Variants in CACNA2D3 observed in about 807,000 individuals in gnomAD.
The protein encoded by CACNA2D3 is calcium voltage-gated channel auxiliary subunit alpha2delta 3, also known as voltage-dependent calcium channel subunit alpha-2/delta-3.
CACNA2D3 carries 60 observed loss-of-function variants against 160.6 expected under a neutral mutation model. The observed-to-expected ratio is 0.37, with a 90% CI of 0.30 to 0.46. The LOEUF (loss-of-function observed/expected upper bound fraction) is 0.46, where lower values mean the gene tolerates loss of function less well. Ranked by LOEUF, CACNA2D3 falls within the 20% of genes least tolerant of loss-of-function variation. The probability of loss-of-function intolerance (pLI) is 1.00; values close to 1 mark genes in which losing one functional copy is unlikely to be tolerated. For synonymous variants in CACNA2D3, 558 were observed against 492.9 expected (o/e 1.13, Z -1.75); for missense variants, 1,205 against 1,365.0 (o/e 0.88, Z 1.85).
intron 3 of CACNA2D3, among the ~76,000 whole-genome samples, chr3:54,362,039 T>C (rs1408004848): frequency 6.6e-6 from 1 of 152,162 alleles, no homozygotes; most frequent in Non-Finnish European, 1.5e-5. Flanking sequence ...CCGTAACTGA[T>C]TTCTCATCTT....
chr3:54,522,614 C>T (rs983336779), intron 5 of CACNA2D3, among the ~76,000 whole-genome samples: 3 of 152,036 alleles, frequency 2.0e-5, no homozygotes, highest in South Asian at 2.1e-4. Context: ...CTGGGAAGTC[C>T]AAGATCATGT....
chr3:54,167,401 A>G (rs527657788), intron 2 of CACNA2D3, among the ~76,000 whole-genome samples: 5 of 152,098 alleles, frequency 3.3e-5, no homozygotes, highest in African/African-American at 1.2e-4. Flanking sequence ...ACCAAGACAT[A>G]GCATCTTCCA....
rs1053914351 is a variant in CACNA2D3, at chr3:54,871,198, C to G, written c.1627-341C>G. On this transcript the variant is annotated intron_variant, in intron 17 of 37. Coordinates refer to ENST00000474759, the MANE Select transcript of CACNA2D3 (RefSeq NM_018398.3). ...ATAGGTGGAGACACACACACACACA[C>G]ACACACACACACACACACACACACA... 9.5e-4 allele frequency among the ~76,000 whole-genome samples: 101 copies of G among 106,318 alleles called. 1 individual carries two copies. Among genetic ancestry groups the G allele is most frequent in the Admixed American group, 4.6e-3 (41 of 8,896 alleles). The allele number at this position is 106,318 out of a possible 152,430, so 69.7% of individuals were successfully genotyped here. A position where few individuals can be genotyped will look rare whatever the true frequency, so the allele number is the denominator to read the frequency against.
At chr3:54,166,959 A>T (rs1700470311) in intron 2 of CACNA2D3, among the ~76,000 whole-genome samples, 3 of 152,200 alleles carry the variant, frequency 2.0e-5, no homozygotes, top group Admixed American at 1.3e-4. Flanking sequence ...GAGTTATAAT[A>T]TTACCTGGAT....
intron 2 of CACNA2D3, among the ~76,000 whole-genome samples, chr3:54,202,991 C>A (rs994294549): frequency 6.6e-6 from 1 of 152,200 alleles, no homozygotes; most frequent in African/African-American, 2.4e-5. Context: ...ACGACTGTGT[C>A]TGGGGATCAT....
intron 35 of CACNA2D3, among the ~76,000 whole-genome samples, chr3:55,035,396 G>T (rs1439660341): frequency 6.6e-6 from 1 of 152,176 alleles, no homozygotes; most frequent in Non-Finnish European, 1.5e-5. Flanking sequence ...CTTTGTGAAT[G>T]TGTGAGCATG....
intron 13 of CACNA2D3, among the ~76,000 whole-genome samples, chr3:54,781,894 G>A (rs1702544691): frequency 6.6e-6 from 1 of 152,210 alleles, no homozygotes; most frequent in South Asian, 2.1e-4. Flanking sequence ...TCAGGTAACT[G>A]AGAGGCCTGA....
At chr3:54,696,575 G>C (rs552089913) in intron 11 of CACNA2D3, among the ~76,000 whole-genome samples, 2 of 152,086 alleles carry the variant, frequency 1.3e-5, no homozygotes, top group Non-Finnish European at 2.9e-5. Flanking sequence ...TGGTGGTAGC[G>C]AGTACACAGA....
At chr3:54,748,086 A>G (rs1449059839) in intron 11 of CACNA2D3, among the ~76,000 whole-genome samples, 3 of 152,200 alleles carry the variant, frequency 2.0e-5, no homozygotes, top group Non-Finnish European at 2.9e-5. Flanking sequence ...CATGAGTTAC[A>G]CGTGATAGAT....
intron 2 of CACNA2D3, among the ~76,000 whole-genome samples, chr3:54,285,699 C>T (rs572707275): frequency 1.3e-5 from 2 of 152,216 alleles, no homozygotes; most frequent in Non-Finnish European, 2.9e-5. Context: ...CAGACAGACA[C>T]ATCACACGGC....
intron 13 of CACNA2D3, among the ~76,000 whole-genome samples, chr3:54,806,142 C>T (rs916085099): frequency 5.8e-4 from 89 of 152,312 alleles, no homozygotes; most frequent in African/African-American, 2.0e-3. Flanking sequence ...AAAACTGACA[C>T]AAGACAGAGA....
chr3:54,755,514 TA>T (rs1701952969), intron 12 of CACNA2D3, among the ~76,000 whole-genome samples: 1 of 152,218 alleles, frequency 6.6e-6, no homozygotes, highest in South Asian at 2.1e-4. Context: ...CTTGAAGCTC[TA>T]AAATAACACC....
chr3:54,137,444 A>G (rs1182221494), intron 2 of CACNA2D3, among the ~76,000 whole-genome samples: 2 of 152,208 alleles, frequency 1.3e-5, no homozygotes, highest in Non-Finnish European at 2.9e-5. Flanking sequence ...AAAATTGTTT[A>G]GTGAACATCA....
intron 26 of CACNA2D3, among the ~76,000 whole-genome samples, chr3:54,897,364 T>C (rs534653813): frequency 6.4e-4 from 98 of 152,358 alleles, no homozygotes; most frequent in African/African-American, 2.1e-3. Flanking sequence ...TGTAGCCGAT[T>C]AGTTTTTCAG....
At chr3:54,829,454 G>A (rs1703820815) in intron 14 of CACNA2D3, among the ~76,000 whole-genome samples, 2 of 152,080 alleles carry the variant, frequency 1.3e-5, no homozygotes, top group African/African-American at 4.8e-5. Context: ...AGGAGGGAAG[G>A]GTGCAGAGAC....
intron 2 of CACNA2D3, among the ~76,000 whole-genome samples, chr3:54,311,769 C>A (rs771366708): frequency 2.0e-5 from 3 of 152,170 alleles, no homozygotes; most frequent in Non-Finnish European, 4.4e-5. Flanking sequence ...ACATTCCCCC[C>A]ATCTCCGTGC....
chr3:54,210,714 A>G (rs1256359511), intron 2 of CACNA2D3, among the ~76,000 whole-genome samples: 1 of 152,028 alleles, frequency 6.6e-6, no homozygotes, highest in Admixed American at 6.6e-5. Flanking sequence ...AAGTGTGTGG[A>G]GATTTGGTCT....
rs757051746 is a variant in CACNA2D3 at position 54,483,935 on chromosome 3, A to G, written c.382-19557A>G. 2.6e-5 allele frequency among the ~76,000 whole-genome samples: 4 copies of G among 152,220 alleles called. No homozygotes were observed. The South Asian group carries it at 6.2e-4, about 24-fold the overall frequency. ...AGATATTGTTAAATTGAAGTTCTGGAAAGTTGCCCGGAGCAACTCACCTGG... is the reference window on the plus strand; with the variant it reads ...AGATATTGTTAAATTGAAGTTCTGGGAAGTTGCCCGGAGCAACTCACCTGG... On this transcript the variant is annotated intron_variant, in intron 4 of 37. Coordinates refer to ENST00000474759, the MANE Select transcript of CACNA2D3 (RefSeq NM_018398.3).
rs575204371 is a variant in CACNA2D3, at chr3:54,319,200, A to C, written c.205-1242A>C. Reference sequence around the variant, plus strand: ...CACACACACACACACACACACACACACCCTTCCTCGAGTCAAGGAGAAACT... The same window carrying C: ...CACACACACACACACACACACACACCCCCTTCCTCGAGTCAAGGAGAAACT... On this transcript the variant is annotated intron_variant, in intron 2 of 37. Transcript: ENST00000474759. 4.0e-3 allele frequency among the ~76,000 whole-genome samples: 415 copies of C among 105,006 alleles called. 4 individuals are homozygous for C. Among genetic ancestry groups the C allele is most frequent in the African/African-American group, 0.013 (383 of 29,972 alleles). The allele number at this position is 105,006 out of a possible 152,430, so 68.9% of individuals were successfully genotyped here. A position where few individuals can be genotyped will look rare whatever the true frequency, so the allele number is the denominator to read the frequency against.
Sources: allele counts gnomAD v4.1 joint callset (sites outside exome capture counted in the v4.1 genomes callset), GRCh38; gene constraint gnomAD v4.1.1; transcripts MANE v1.5; gene names NCBI Gene and HGNC (gene_info 2026-07-23, HGNC 2026-07-21).